Variants in ERBB4 observed in about 807,000 individuals in gnomAD.
ERBB4 encodes receptor tyrosine-protein kinase erbB-4.
In ERBB4, 42 loss-of-function variants were observed where a neutral mutation model predicts 158.0. The observed-to-expected ratio is 0.27, with a 90% CI of 0.21 to 0.34. The LOEUF is 0.34. Ranked by LOEUF, ERBB4 falls within the 10% of genes least tolerant of loss-of-function variation. ERBB4 has a pLI of 1.00. For missense variants in ERBB4, 1,333 were observed against 1,624.1 expected, an observed-to-expected ratio of 0.82 and a Z score of 3.08; for synonymous variants, 583 against 558.7, an observed-to-expected ratio of 1.04 and a Z score of -0.61.
At chr2:212,168,597 G>T (rs1161105703) in intron 1 of ERBB4, among the ~76,000 whole-genome samples, 2 of 152,274 alleles carry the variant, frequency 1.3e-5, no homozygotes, top group East Asian at 1.9e-4. Flanking sequence ...CGAGTACCCT[G>T]TGGAGGGAAA....
chr2:211,745,286 C>A (rs374280319), intron 5 of ERBB4, among the ~76,000 whole-genome samples: 2 of 152,250 alleles, frequency 1.3e-5, no homozygotes, highest in African/African-American at 2.4e-5. Flanking sequence ...AAAATACAAC[C>A]TAAATTCTAA....
chr2:212,379,244 T>TAA (rs1363246327), intron 1 of ERBB4, among the ~76,000 whole-genome samples: 2 of 151,782 alleles, frequency 1.3e-5, no homozygotes, highest in African/African-American at 4.8e-5. Flanking sequence ...CTCAAAGTCA[T>TAA]TATTAAGTTA....
intron 20 of ERBB4, among the ~76,000 whole-genome samples, chr2:211,450,138 A>G (rs958680758): frequency 1.3e-5 from 2 of 152,182 alleles, no homozygotes; most frequent in Admixed American, 6.5e-5. Flanking sequence ...TAAGGAATAC[A>G]TGTGCAGAAC....
chr2:211,470,187 C>T (rs972240616), intron 20 of ERBB4, among the ~76,000 whole-genome samples: 1 of 152,086 alleles, frequency 6.6e-6, no homozygotes, highest in Non-Finnish European at 1.5e-5. Context: ...GTACGTCCCA[C>T]ACTAATATTA....
At chr2:211,884,885 T>C (rs1158106038) in intron 3 of ERBB4, among the ~76,000 whole-genome samples, 1 of 152,208 alleles carries the variant, frequency 6.6e-6, no homozygotes, top group East Asian at 1.9e-4. Flanking sequence ...CTAAACATAA[T>C]TATAATAAAA....
intron 2 of ERBB4, among the ~76,000 whole-genome samples, chr2:211,987,307 G>A (rs1017857814): frequency 9.0e-6 from 1 of 110,980 alleles, no homozygotes; most frequent in Admixed American, 1.4e-4. Context: ...GGTGACAGAG[G>A]GAGACTCCAT....
intron 3 of ERBB4, among the ~76,000 whole-genome samples, chr2:211,836,705 CT>C (rs1300568727): frequency 1.3e-5 from 2 of 152,020 alleles, no homozygotes; most frequent in Non-Finnish European, 2.9e-5. Flanking sequence ...CAAGCAAGCC[CT>C]TCTATGAATA....
chr2:211,419,394 TTAGA>T lies in ERBB4; in HGVS notation c.3135+1043_3135+1046del, dbSNP rs372946847. ...TATGAAATAAAGAAAATTATGTTTG[TTAGA>T]TAATGAGCAGCAAGTTGAAAATATT... On this transcript the variant is annotated intron_variant, in intron 25 of 27. Coordinates refer to ENST00000342788, the MANE Select transcript of ERBB4 (RefSeq NM_005235.3). Among the ~76,000 whole-genome samples the T allele has an allele frequency of 1.6e-4, 24 of 152,232 alleles. 1 individual carries two copies. The East Asian group carries it at 2.1e-3, about 13-fold the overall frequency.
intron 1 of ERBB4, among the ~76,000 whole-genome samples, chr2:212,256,566 T>C (rs1001513895): frequency 5.9e-5 from 9 of 152,170 alleles, no homozygotes; most frequent in Non-Finnish European, 1.0e-4. Context: ...TAAACATTTA[T>C]TAAGGATCTG....
At chr2:211,896,176 A>G (rs577338685) in intron 3 of ERBB4, among the ~76,000 whole-genome samples, 3 of 152,350 alleles carry the variant, frequency 2.0e-5, no homozygotes, top group Non-Finnish European at 2.9e-5. Context: ...CATTAGACCT[A>G]TACATTAAAC....
intron 2 of ERBB4, among the ~76,000 whole-genome samples, chr2:212,059,810 T>C (rs2077703441): frequency 6.6e-6 from 1 of 152,184 alleles, no homozygotes; most frequent in South Asian, 2.1e-4. Flanking sequence ...ATTAAAGACT[T>C]AAACATTAGA....
chr2:211,803,411 TA>T, intron 3 of ERBB4, among the ~76,000 whole-genome samples: 1 of 152,196 alleles, frequency 6.6e-6, no homozygotes, highest in Non-Finnish European at 1.5e-5. Context: ...TTCCTTCTTT[TA>T]AACACTCTGT....
At chr2:211,415,017 T>TATTA (rs943555186) in intron 25 of ERBB4, among the ~76,000 whole-genome samples, 1 of 151,634 alleles carries the variant, frequency 6.6e-6, no homozygotes, top group African/African-American at 2.4e-5. Context: ...CTGATATTAT[T>TATTA]ATTATTATTA....
At chr2:212,020,265 TTCTC>T (rs2076619748) in intron 2 of ERBB4, among the ~76,000 whole-genome samples, 3 of 152,032 alleles carry the variant, frequency 2.0e-5, no homozygotes, top group Admixed American at 2.0e-4. Flanking sequence ...GCTTCATCTT[TTCTC>T]TCTAAAAAAA....
intron 19 of ERBB4, among the ~76,000 whole-genome samples, chr2:211,614,905 A>G (rs2125839282): frequency 6.6e-6 from 1 of 152,198 alleles, no homozygotes; most frequent in East Asian, 1.9e-4. Flanking sequence ...AAAATTTCCT[A>G]TGGTATATAT....
chr2:211,571,059 T>TTTTTTTTTTTTTTTTTTTTG (rs2067714428), intron 19 of ERBB4, among the ~76,000 whole-genome samples: 1 of 146,794 alleles, frequency 6.8e-6, no homozygotes, highest in African/African-American at 2.6e-5. Flanking sequence ...TTTTTTTTTT[T>TTTTTTTTTTTTTTTTTTTTG]TTGAGACGGA....
chr2:211,988,337 C>T (rs2081988694), intron 2 of ERBB4, among the ~76,000 whole-genome samples: 1 of 152,090 alleles, frequency 6.6e-6, no homozygotes, highest in South Asian at 2.1e-4. Flanking sequence ...CAAGCCTCAT[C>T]CCCTTATCCA....
rs190448110 is a variant in ERBB4, at chr2:212,395,023, T to C, written c.82+143426A>G. Among the ~76,000 whole-genome samples, 11 of 152,220 alleles carry C rather than the reference T, an allele frequency of 7.2e-5. No individual in the cohort carries two copies. The East Asian group carries it at 2.1e-3, about 29-fold the overall frequency. ...GAATACATTAGTAAAACATAAAACT[T>C]TCACAGGTTTGCTGCCAAATTTTAA... is the stretch of plus-strand genomic sequence containing the variant. On this transcript the variant is annotated intron_variant, in intron 1 of 27. Coordinates refer to ENST00000342788, the MANE Select transcript of ERBB4 (RefSeq NM_005235.3).
At chr2:211,901,181 G>C (rs2079225272) in intron 3 of ERBB4, among the ~76,000 whole-genome samples, 1 of 152,154 alleles carries the variant, frequency 6.6e-6, no homozygotes, top group Non-Finnish European at 1.5e-5. Context: ...CAAAAACCCA[G>C]AGGATATGTC....
Sources: allele counts gnomAD v4.1 joint callset (sites outside exome capture counted in the v4.1 genomes callset), GRCh38; gene constraint gnomAD v4.1.1; transcripts MANE v1.5; gene names NCBI Gene and HGNC (gene_info 2026-07-23, HGNC 2026-07-21).